NCOR2: variants seen among roughly 807,000 people sequenced by gnomAD.
NCOR2 encodes the protein CTG repeat protein 26.
Under a neutral mutation model 262.9 loss-of-function variants are expected in NCOR2, and 81 were observed. That is an observed-to-expected ratio of 0.31 (90% CI 0.26 to 0.37). NCOR2 has a LOEUF of 0.37. Ranked by LOEUF, NCOR2 falls within the 10% of genes least tolerant of loss-of-function variation. The pLI is 1.00. For synonymous variants in NCOR2, 1,659 were observed against 1,559.3 expected, an observed-to-expected ratio of 1.06 and a Z score of -1.51; for missense variants, 3,385 against 3,621.4, an observed-to-expected ratio of 0.93 and a Z score of 1.68.
At chr12:124,411,164 G>A (rs1224915505) in intron 13 of NCOR2, among the ~76,000 whole-genome samples, 5 of 151,860 alleles carry the variant, frequency 3.3e-5, no homozygotes, top group Admixed American at 6.6e-5. Context: ...CACATGCAGA[G>A]AAACAGACGA....
chr12:124,502,389 T>C (rs1351131885), intron 1 of NCOR2, among the ~76,000 whole-genome samples: 1 of 152,062 alleles, frequency 6.6e-6, no homozygotes, highest in Non-Finnish European at 1.5e-5. Context: ...AGTAAGAGGA[T>C]GGCAGAAGGT....
chr12:124,512,800 G>A (rs545973850), intron 1 of NCOR2, among the ~76,000 whole-genome samples: 13 of 152,272 alleles, frequency 8.5e-5, no homozygotes, highest in African/African-American at 3.1e-4. Flanking sequence ...GTAGCCGCTG[G>A]GTATTGGCCT....
intron 16 of NCOR2, among the ~76,000 whole-genome samples, chr12:124,386,820 C>G (rs1399497892): frequency 1.3e-5 from 2 of 152,260 alleles, no homozygotes. Flanking sequence ...CTGCGGCACA[C>G]ACAGGCACAG....
exon 38 of NCOR2, chr12:124,337,180 C>A (rs774603214): frequency 1.3e-6 from 2 of 1,542,818 alleles, no homozygotes; most frequent in Non-Finnish European, 8.8e-7. Flanking sequence ...TGGAGGTGGA[C>A]CTGGGGGAGG....
At chr12:124,495,267 C>T (rs201608375), upstream of NCOR2, 31 of 1,606,634 alleles carry the variant, frequency 1.9e-5, no homozygotes, top group South Asian at 1.8e-4. This position sits in a 1 kb window ranked among gnomAD's most constrained non-coding sequence, Gnocchi z 4.4. Context: ...TGGGGGTCGG[C>T]GGGGAGCTGC....
chr12:124,372,221 C>G (rs1222183088), exon 20 of NCOR2: 1 of 1,601,658 alleles, frequency 6.2e-7, no homozygotes, highest in South Asian at 1.1e-5. Context: ...CCCTCCTCGG[C>G]TTCCTCCGTG....
chr12:124,411,329 G>T (rs1297017888), intron 13 of NCOR2, among the ~76,000 whole-genome samples: 1 of 152,198 alleles, frequency 6.6e-6, no homozygotes. Flanking sequence ...AGAGCCAGGG[G>T]CTTGGGCAGA....
chr12:124,558,941 C>T (rs1164339150), intron 1 of NCOR2, among the ~76,000 whole-genome samples: 1 of 152,210 alleles, frequency 6.6e-6, no homozygotes. Flanking sequence ...CTGTGGGTCC[C>T]CCCAGATCCA....
intron 1 of NCOR2, among the ~76,000 whole-genome samples, chr12:124,561,105 A>G (rs2052055280): frequency 6.6e-6 from 1 of 152,240 alleles, no homozygotes; most frequent in Non-Finnish European, 1.5e-5. Flanking sequence ...GTCAGCCCCC[A>G]TGAACCTGCA....
chr12:124,372,643 A>G (rs902670991), intron 19 of NCOR2, 33 bp from the exon 22 acceptor site: 17 of 1,573,106 alleles, frequency 1.1e-5, no homozygotes, highest in Admixed American at 1.7e-5. Flanking sequence ...GGGGATGAGC[A>G]GGGTCTGGCG....
intron 1 of NCOR2, among the ~76,000 whole-genome samples, chr12:124,533,642 C>G (rs960139354): frequency 8.5e-5 from 13 of 152,224 alleles, no homozygotes; most frequent in Non-Finnish European, 1.5e-4. Context: ...GCACCCACAA[C>G]AGAGCCTGGC....
chr12:124,340,321 C>A (rs950341670), exon 36 of NCOR2: 1 of 1,612,432 alleles, frequency 6.2e-7, no homozygotes, highest in Non-Finnish European at 8.5e-7. Flanking sequence ...GCGTGCTCCA[C>A]CGTCGTGGTG....
At chr12:124,493,125 GAGA>G (rs2048184659) in intron 1 of NCOR2, among the ~76,000 whole-genome samples, 1 of 152,232 alleles carries the variant, frequency 6.6e-6, no homozygotes, top group Non-Finnish European at 1.5e-5. Context: ...GGCCCAGCAG[GAGA>G]AGAATGGGAG....
At chr12:124,446,996 C>T (rs2045216546) in intron 7 of NCOR2, among the ~76,000 whole-genome samples, 1 of 152,188 alleles carries the variant, frequency 6.6e-6, no homozygotes, top group South Asian at 2.1e-4. Flanking sequence ...CACACTGCAA[C>T]CTCCATCTTC....
Position 124,348,247 on chromosome 12 carries a change from C to T in NCOR2, c.3912G>A (p.Thr1304=), listed in dbSNP as rs544513641. The T allele has an allele frequency of 3.9e-5, 63 of 1,613,130 alleles. No individual in the cohort carries two copies. The highest frequency in any genetic ancestry group is 6.6e-5 in the South Asian group (6 of 91,080). ...TGTCATAGGTGCGCTTGGGGGCGGC[C>T]GTCTCATGGGGGGGTCCTGAGCTGC... Residue 1304 remains threonine, a synonymous_variant, in exon 29 of 47, where the codon ACG becomes ACA. Coordinates refer to ENST00000405201, the Ensembl canonical transcript of NCOR2.
chr12:124,535,748 A>C (rs2051093855), upstream of NCOR2: 1 of 152,230 alleles, frequency 6.6e-6, no homozygotes, highest in Admixed American at 6.5e-5. Context: ...GTATTTCTCC[A>C]TGAGAACCCT....
chr12:124,376,683 G>A (rs565865273), intron 18 of NCOR2, among the ~76,000 whole-genome samples: 1 of 152,218 alleles, frequency 6.6e-6, no homozygotes, highest in Non-Finnish European at 1.5e-5. Context: ...GGGGATTCGG[G>A]CTGGTGAAAC....
chr12:124,419,255 C>T (rs184392028), intron 13 of NCOR2, among the ~76,000 whole-genome samples: 1 of 152,312 alleles, frequency 6.6e-6, no homozygotes, highest in African/African-American at 2.4e-5. Flanking sequence ...GAAGGGCCAG[C>T]TAGTAAACAT....
exon 2 of NCOR2, chr12:124,486,451 C>T (rs755402351): frequency 6.8e-6 from 11 of 1,612,562 alleles, no homozygotes; most frequent in East Asian, 2.2e-5. Flanking sequence ...CGTTCATTCC[C>T]GGGCTGGAAC....
Sources: gnomAD v4.1 joint callset for allele counts (sites outside exome capture counted in the v4.1 genomes callset) on GRCh38, gnomAD v4.1.1 for gene constraint, Gnocchi (gnomAD v3.1) non-coding constraint, MANE v1.5 for transcripts, NCBI Gene and HGNC (gene_info 2026-07-23, HGNC 2026-07-21) for gene names.